SMYD1: variants seen among roughly 807,000 people sequenced by gnomAD.
SMYD1 encodes the protein histone-lysine N-methyltransferase SMYD1.
Under a neutral mutation model 54.0 loss-of-function variants are expected in SMYD1, and 49 were observed. The observed-to-expected ratio is 0.91, with a 90% CI of 0.72 to 1.15. The LOEUF (loss-of-function observed/expected upper bound fraction) is 1.15, where lower values mean the gene tolerates loss of function less well. Ranked by LOEUF, SMYD1 falls within the 50% of genes most tolerant of loss-of-function variation. SMYD1 has a pLI of 0.00. For missense variants in SMYD1, 653 were observed against 639.6 expected, an observed-to-expected ratio of 1.02 and a Z score of -0.23; for synonymous variants, 269 against 234.2, an observed-to-expected ratio of 1.15 and a Z score of -1.36.
At position 88,104,121 on chromosome 2, in the gene SMYD1, C is replaced by T. The variant is rs561534190; in HGVS notation, c.981+971C>T. Among the ~76,000 whole-genome samples, 1,514 of 152,210 alleles carry T rather than the reference C, an allele frequency of 9.9e-3. 13 individuals are homozygous for T. Among genetic ancestry groups the T allele is most frequent in the Non-Finnish European group, 0.014 (931 of 68,002 alleles). On this transcript the variant is annotated intron_variant, in intron 7 of 9. Coordinates refer to ENST00000419482, the MANE Select transcript of SMYD1 (RefSeq NM_198274.4). Reference sequence around the variant, plus strand: ...AGCTGGGACTACAGGTGCCCGCCACCACGCCTGGCTAATTTTTTGTACTTT... The same window carrying T: ...AGCTGGGACTACAGGTGCCCGCCACTACGCCTGGCTAATTTTTTGTACTTT...
intron 1 of SMYD1, among the ~76,000 whole-genome samples, chr2:88,073,689 T>C (rs2103976976): frequency 6.6e-6 from 1 of 152,332 alleles, no homozygotes; most frequent in South Asian, 2.1e-4. Flanking sequence ...AAGGAGATCA[T>C]ACATTTTTCT....
chr2:88,094,720 G>C (rs544144165), intron 5 of SMYD1, among the ~76,000 whole-genome samples: 48 of 152,302 alleles, frequency 3.2e-4, no homozygotes, highest in African/African-American at 1.0e-3. Flanking sequence ...GCACAATCAT[G>C]ATGGGAAGTA....
chr2:88,072,637 C>G (rs959877901), intron 1 of SMYD1, among the ~76,000 whole-genome samples: 54 of 152,130 alleles, frequency 3.5e-4, no homozygotes, highest in Non-Finnish European at 7.4e-5. Context: ...ATCCTAAAAT[C>G]TATGGCTGAT....
At position 88,103,128 on chromosome 2, in the gene SMYD1, G is replaced by T; in HGVS notation, c.959G>T (p.Arg320Leu). The T allele has an allele frequency of 6.2e-7, 1 of 1,613,710 alleles. No homozygotes were observed. The highest frequency in any genetic ancestry group is 1.3e-5 in the African/African-American group (1 of 74,970). Residue 320 changes from arginine to leucine, a missense_variant, in exon 7 of 10, where the codon CGT becomes CTT. By Grantham distance (102) the Arg-to-Leu change is moderately radical (BLOSUM62 -2). Coordinates refer to ENST00000419482, the MANE Select transcript of SMYD1 (RefSeq NM_198274.4). ...KDTLEKIDKA[R>L]SEGLYHEVVK... is the part of the protein sequence containing the mutation. ...ACATTGGAAAAGATAGACAAGGCTC[G>T]TTCCGAGGGTTTGTATCATGAGGTA...
In SMYD1 at chr2:88,111,916, A is replaced by T. The variant is rs1675032545; in HGVS notation, c.*1404A>T. 1 of 625,066 alleles carries T rather than the reference A, an allele frequency of 1.6e-6. No individual in the cohort carries two copies. The highest frequency in any genetic ancestry group is 2.9e-6 in the Non-Finnish European group (1 of 345,462). 38.7% of individuals were successfully genotyped at this position (625,066 alleles called of 1,614,324 possible). A position where few individuals can be genotyped will look rare whatever the true frequency, so the allele number is the denominator to read the frequency against. On this transcript the variant is annotated 3_prime_UTR_variant, in exon 10 of 10. Coordinates refer to ENST00000419482, the MANE Select transcript of SMYD1 (RefSeq NM_198274.4). ...GTACCCCACATCTTGAAGTAAATTG[A>T]TCCCACCAGGTCCCACGTTTGTTAT...
intron 1 of SMYD1, among the ~76,000 whole-genome samples, chr2:88,069,563 G>A (rs1673903337): frequency 6.6e-6 from 1 of 152,136 alleles, no homozygotes; most frequent in Admixed American, 6.5e-5. Context: ...GTTACTGCCT[G>A]GCCTTGTGAA....
At chr2:88,095,029 T>C (rs1188221829) in intron 5 of SMYD1, among the ~76,000 whole-genome samples, 2 of 152,120 alleles carry the variant, frequency 1.3e-5, no homozygotes, top group African/African-American at 2.4e-5. Context: ...TTGAGGACAA[T>C]TGTGAATGGT....
Position 88,084,351 on chromosome 2 carries a change from G to A in SMYD1, c.173G>A (p.Arg58Lys), listed in dbSNP as rs1674270459. Residue 58 changes from arginine to lysine, a missense_variant, in exon 2 of 10, where the codon AGG (arginine) becomes AAG (lysine). By Grantham distance (26) the Arg-to-Lys change is conservative. Coordinates refer to ENST00000419482, the MANE Select transcript of SMYD1 (RefSeq NM_198274.4). ...VNFVCHTCFK[R>K]QEKLHRCGQC... ...TTTGTGTGCCACACCTGCTTCAAGA[G>A]GCAGGAGAAGCTCCATCGCTGTGGG... is the stretch of plus-strand genomic sequence containing the variant. The A allele has an allele frequency of 6.3e-7, 1 of 1,585,388 alleles. No individual in the cohort carries two copies. The highest frequency in any genetic ancestry group is 8.6e-7 in the Non-Finnish European group (1 of 1,156,412).
At chr2:88,076,191 C>A (rs1200934055) in intron 1 of SMYD1, among the ~76,000 whole-genome samples, 3 of 152,090 alleles carry the variant, frequency 2.0e-5, no homozygotes, top group Non-Finnish European at 4.4e-5. Flanking sequence ...CTGGGGACTG[C>A]TTGAAGGCAA....
intron 1 of SMYD1, among the ~76,000 whole-genome samples, chr2:88,075,416 A>C (rs1434143461): frequency 2.0e-5 from 3 of 152,082 alleles, no homozygotes; most frequent in African/African-American, 7.2e-5. Context: ...AGGTCTTAGT[A>C]GGGTGTGTGA....
chr2:88,087,177 G>A (rs1348173594), intron 2 of SMYD1, among the ~76,000 whole-genome samples: 1 of 150,736 alleles, frequency 6.6e-6, no homozygotes, highest in Non-Finnish European at 1.5e-5. Context: ...GGTTAGCATA[G>A]CAGGGACTAT....
rs1022798112 is a variant in SMYD1 at position 88,112,152 on chromosome 2, G to T, written c.*1640G>T. ...TCAAGCCCCCACATCACAGGCTTAG[G>T]GACGGCACTAACTTTCTCCCAGGGA... On this transcript the variant is annotated 3_prime_UTR_variant, in exon 10 of 10. Coordinates refer to ENST00000419482, the MANE Select transcript of SMYD1 (RefSeq NM_198274.4). 3 of 703,178 alleles carry T rather than the reference G, an allele frequency of 4.3e-6. No individual in the cohort carries two copies. In the East Asian group the frequency reaches 8.0e-5, roughly 19 times the overall value. 43.6% of individuals were successfully genotyped at this position (703,178 alleles called of 1,614,324 possible). A position where few individuals can be genotyped will look rare whatever the true frequency, so the allele number is the denominator to read the frequency against.
rs1558851668 is a variant in SMYD1 at position 88,088,023 on chromosome 2, C to CATG, written c.476_477insATG (p.Pro159_Pro160insTrp). 1.2e-6 allele frequency: 2 copies of CATG among 1,613,976 alleles called. No homozygotes were observed. Among genetic ancestry groups the CATG allele is most frequent in the African/African-American group, 2.7e-5 (2 of 74,890 alleles). On this transcript the variant is annotated inframe_insertion, in exon 3 of 10. Transcript: ENST00000419482. ...GTGGACACATTCTTGCAGTACTGGC[C>CATG]GCCGCAGAGCCAGCAGTTCAGCATG...
intron 1 of SMYD1, among the ~76,000 whole-genome samples, chr2:88,084,110 C>T (rs1248024608): frequency 6.9e-6 from 1 of 143,948 alleles, no homozygotes; most frequent in African/African-American, 2.5e-5. Context: ...AACTCTGTCT[C>T]AAAAAAAAAA....
At chr2:88,097,223 C>T (rs1674610651) in intron 6 of SMYD1, among the ~76,000 whole-genome samples, 1 of 152,150 alleles carries the variant, frequency 6.6e-6, no homozygotes, top group Non-Finnish European at 1.5e-5. Context: ...AAAAGATATT[C>T]CTAGTCCCAT....
chr2:88,107,410 G>A (rs1465955987), intron 8 of SMYD1, among the ~76,000 whole-genome samples: 1 of 152,212 alleles, frequency 6.6e-6, no homozygotes, highest in Admixed American at 6.5e-5. Context: ...CCAACCAGGT[G>A]AAAATACAAT....
chr2:88,069,020 C>G (rs1000449397), intron 1 of SMYD1, among the ~76,000 whole-genome samples: 4 of 152,174 alleles, frequency 2.6e-5, no homozygotes, highest in Non-Finnish European at 4.4e-5. Context: ...TTTATAGGCT[C>G]TCCAAACAGG....
chr2:88,074,531 G>A (rs1310176593), intron 1 of SMYD1, among the ~76,000 whole-genome samples: 2 of 152,036 alleles, frequency 1.3e-5, no homozygotes, highest in African/African-American at 2.4e-5. Context: ...TAAGTTCTGG[G>A]GATTAAGACA....
intron 2 of SMYD1, among the ~76,000 whole-genome samples, chr2:88,086,446 G>T (rs909844436): frequency 3.9e-5 from 6 of 152,152 alleles, no homozygotes; most frequent in African/African-American, 1.4e-4. Flanking sequence ...CCACCTAATA[G>T]TTAACAAAGA....
Sources: allele counts gnomAD v4.1 joint callset (sites outside exome capture counted in the v4.1 genomes callset), GRCh38; gene constraint gnomAD v4.1.1; transcripts MANE v1.5; gene names NCBI Gene and HGNC (gene_info 2026-07-23, HGNC 2026-07-21).